TEAD1: variants seen among roughly 807,000 people sequenced by gnomAD.
TEAD1 encodes transcriptional enhancer factor TEF-1.
Under a neutral mutation model 54.9 loss-of-function variants are expected in TEAD1, and 9 were observed. That is an observed-to-expected ratio of 0.16 (90% CI 0.10 to 0.29). The LOEUF (loss-of-function observed/expected upper bound fraction) is 0.29. Among genes scored for constraint, TEAD1 ranks in the 10% least tolerant of loss-of-function variants. The pLI is 1.00. For synonymous variants in TEAD1, 200 were observed against 187.8 expected, an observed-to-expected ratio of 1.07 and a Z score of -0.53; for missense variants, 387 against 535.9, an observed-to-expected ratio of 0.72 and a Z score of 2.74.
intron 2 of TEAD1, among the ~76,000 whole-genome samples, chr11:12,680,107 A>G (rs1340820853): frequency 6.6e-6 from 1 of 152,208 alleles, no homozygotes; most frequent in Admixed American, 6.5e-5. Context: ...TTTTATACCA[A>G]CCAAGCCTTT....
intron 3 of TEAD1, among the ~76,000 whole-genome samples, chr11:12,765,698 T>A (rs1024997467): frequency 6.6e-6 from 1 of 152,158 alleles, no homozygotes; most frequent in African/African-American, 2.4e-5. Context: ...TTCTGCAGCA[T>A]TGGAGTCTCT....
At chr11:12,799,618 GTTA>G (rs1356247858) in intron 3 of TEAD1, among the ~76,000 whole-genome samples, 1 of 152,208 alleles carries the variant, frequency 6.6e-6, no homozygotes, top group African/African-American at 2.4e-5. Context: ...GGTAAGAAGA[GTTA>G]TTATTTATTT....
At chr11:12,806,333 T>C (rs1305095051) in intron 3 of TEAD1, among the ~76,000 whole-genome samples, 7 of 152,198 alleles carry the variant, frequency 4.6e-5, no homozygotes, top group Admixed American at 4.6e-4. Flanking sequence ...CTCCTTGCAG[T>C]GAAGCATACT....
chr11:12,865,023 G>A, intron 5 of TEAD1, 123 bp downstream of exon 5: 1 of 1,084,870 alleles, frequency 9.2e-7, no homozygotes, highest in Non-Finnish European at 1.4e-6. Flanking sequence ...TGTGAGAGCT[G>A]TTTACATTTC....
intron 3 of TEAD1, among the ~76,000 whole-genome samples, chr11:12,829,495 G>A (rs1946727965): frequency 6.6e-6 from 1 of 152,134 alleles, no homozygotes; most frequent in Admixed American, 6.5e-5. Flanking sequence ...CCTAATGTTT[G>A]CCTTTAGAAG....
At chr11:12,762,545 G>A (rs1945122712) in intron 2 of TEAD1, among the ~76,000 whole-genome samples, 1 of 152,132 alleles carries the variant, frequency 6.6e-6, no homozygotes. Flanking sequence ...GTAAGAGGTA[G>A]TAAATATTTT....
intron 11 of TEAD1, among the ~76,000 whole-genome samples, chr11:12,928,927 A>C: frequency 6.6e-6 from 1 of 152,184 alleles, no homozygotes; most frequent in African/African-American, 2.4e-5. Flanking sequence ...CCTTGGTATT[A>C]ACTGTAGTCA....
At chr11:12,698,905 T>TA (rs1943640683) in intron 2 of TEAD1, among the ~76,000 whole-genome samples, 1 of 152,216 alleles carries the variant, frequency 6.6e-6, no homozygotes, top group Admixed American at 6.5e-5. Flanking sequence ...CCTTTTGACT[T>TA]ACCTTATATA....
chr11:12,681,340 A>G (rs1029739695), intron 2 of TEAD1, among the ~76,000 whole-genome samples: 1 of 152,230 alleles, frequency 6.6e-6, no homozygotes, highest in Non-Finnish European at 1.5e-5. Context: ...TTTGTTATGC[A>G]TTCAGAATAC....
chr11:12,781,831 C>G (rs1382829776), intron 3 of TEAD1, among the ~76,000 whole-genome samples: 3 of 150,784 alleles, frequency 2.0e-5, no homozygotes, highest in Non-Finnish European at 4.4e-5. Flanking sequence ...TCCATACAAA[C>G]ACTTGTACAT....
rs1219274355 is a variant in TEAD1 at position 12,846,736 on chromosome 11, GCTCT to G, written c.203-15511_203-15508del. Reference sequence around the variant, plus strand: ...TTCTCAATTAAATGCTGAATGTTATGCTCTCTGTCAGTGGTGGATTGAAGTAGGA... The same window carrying G: ...TTCTCAATTAAATGCTGAATGTTATGCTGTCAGTGGTGGATTGAAGTAGGA... On this transcript the variant is annotated intron_variant, in intron 3 of 12. Coordinates refer to ENST00000527636, the MANE Select transcript of TEAD1 (RefSeq NM_021961.6). 6.6e-5 allele frequency among the ~76,000 whole-genome samples: 10 copies of G among 152,190 alleles called. No individual in the cohort carries two copies. In the East Asian group the frequency reaches 9.6e-4, roughly 15 times the overall value.
rs182350028 is a variant in TEAD1, at chr11:12,858,002, A to G, written c.203-4248A>G. Among the ~76,000 whole-genome samples the G allele has an allele frequency of 7.9e-5, 12 of 152,234 alleles. No individual in the cohort carries two copies. The East Asian group carries it at 2.1e-3, about 27-fold the overall frequency. Reference sequence around the variant, plus strand: ...TACCACAGTCCCGTGCTACTTGGAGAGCTAAGGCAGAAGGATCACTTGAAC... The same window carrying G: ...TACCACAGTCCCGTGCTACTTGGAGGGCTAAGGCAGAAGGATCACTTGAAC... On this transcript the variant is annotated intron_variant, in intron 3 of 12. Transcript: ENST00000527636.
At chr11:12,893,963 T>C (rs1355361601) in intron 9 of TEAD1, among the ~76,000 whole-genome samples, 2 of 152,014 alleles carry the variant, frequency 1.3e-5, no homozygotes, top group Non-Finnish European at 2.9e-5. Context: ...TCCGCAGCCA[T>C]TCCCTGTCCC....
chr11:12,908,279 C>T (rs1653914587), intron 10 of TEAD1, among the ~76,000 whole-genome samples: 1 of 152,194 alleles, frequency 6.6e-6, no homozygotes, highest in African/African-American at 2.4e-5. Context: ...TGGTACCAGA[C>T]AACTAGGGAC....
intron 2 of TEAD1, among the ~76,000 whole-genome samples, chr11:12,760,746 C>T (rs1333126945): frequency 6.6e-6 from 1 of 152,198 alleles, no homozygotes; most frequent in East Asian, 1.9e-4. Context: ...TTGATACTCT[C>T]AGAGCCTGTA....
intron 3 of TEAD1, among the ~76,000 whole-genome samples, chr11:12,819,209 C>A (rs909046515): frequency 1.3e-5 from 2 of 151,656 alleles, no homozygotes; most frequent in Non-Finnish European, 2.9e-5. Flanking sequence ...ATTTAAGCAT[C>A]TTCCTCTTGT....
intron 3 of TEAD1, among the ~76,000 whole-genome samples, chr11:12,789,057 G>T (rs1305609724): frequency 1.3e-5 from 2 of 152,170 alleles, no homozygotes; most frequent in Non-Finnish European, 2.9e-5. Context: ...GCCCAAAACT[G>T]TCTTAATGTA....
intron 9 of TEAD1, among the ~76,000 whole-genome samples, chr11:12,898,201 T>A (rs771558519): frequency 6.6e-6 from 1 of 152,114 alleles, no homozygotes; most frequent in Non-Finnish European, 1.5e-5. Context: ...GAGTGGGCCA[T>A]TATCAGGGAT....
chr11:12,935,770 A>G (rs1949088891), intron 12 of TEAD1, among the ~76,000 whole-genome samples: 1 of 152,146 alleles, frequency 6.6e-6, no homozygotes, highest in Non-Finnish European at 1.5e-5. Context: ...GCAAATATTT[A>G]TTAAATGACT....
Sources: gnomAD v4.1 joint callset for allele counts (sites outside exome capture counted in the v4.1 genomes callset) on GRCh38, gnomAD v4.1.1 for gene constraint, MANE v1.5 for transcripts, NCBI Gene and HGNC (gene_info 2026-07-23, HGNC 2026-07-21) for gene names.